SCUBE2: variants seen among roughly 807,000 people sequenced by gnomAD.
The protein encoded by SCUBE2 is signal peptide, CUB and EGF-like domain-containing protein 2.
In SCUBE2, 114 loss-of-function variants were observed where a neutral mutation model predicts 125.9. The observed-to-expected ratio is 0.91, with a 90% CI of 0.78 to 1.06. The LOEUF is 1.06. Ranked by LOEUF, SCUBE2 falls within the 50% of genes least tolerant of loss-of-function variation. The pLI, the probability that SCUBE2 is intolerant of heterozygous loss-of-function variation, is 0.00. For synonymous variants in SCUBE2, 459 were observed against 492.9 expected, an observed-to-expected ratio of 0.93 and a Z score of 0.91; for missense variants, 1,255 against 1,301.8, an observed-to-expected ratio of 0.96 and a Z score of 0.55.
At position 9,065,905 on chromosome 11, in the gene SCUBE2, C is replaced by T. The variant is rs1311266206; in HGVS notation, c.836G>A (p.Arg279Gln). ...SVVDGDKRVK[R>Q]RLLMETCAVN... is the part of the protein sequence containing the mutation. Reference sequence around the variant, plus strand: ...AAGGTGCCTACCCATGAGCAGCCGCCGTTTCACCCGTTTATCCCCATCCAC... The same window carrying T: ...AAGGTGCCTACCCATGAGCAGCCGCTGTTTCACCCGTTTATCCCCATCCAC... The change falls in exon 7 of 23, where the codon CGG becomes CAG. Residue 279 changes from arginine (R) to glutamine (Q), a missense_variant. This residue lies in a region of SCUBE2 where 378 missense variants were observed against 463.1 expected (regional missense o/e 0.82). Transcript: ENST00000649792. 5.0e-6 allele frequency: 8 copies of T among 1,613,992 alleles called. No individual in the cohort carries two copies. The highest frequency in any genetic ancestry group is 6.8e-6 in the Non-Finnish European group (8 of 1,179,968).
intron 19 of SCUBE2, among the ~76,000 whole-genome samples, chr11:9,028,672 AT>A (rs1272831559): frequency 4.6e-5 from 7 of 152,216 alleles, no homozygotes; most frequent in Non-Finnish European, 7.3e-5. Flanking sequence ...TAGAAAAAAA[AT>A]AAATAGGCTT....
rs79654102 is a variant in SCUBE2, at chr11:9,042,082, G to A, written c.2002+5274C>T. Among the ~76,000 whole-genome samples, 306 of 152,184 alleles carry A rather than the reference G, an allele frequency of 2.0e-3. 6 individuals are homozygous for A. In the East Asian group the frequency reaches 0.05, roughly 25 times the overall value. Reference sequence around the variant, plus strand: ...GGACATGAAGAGAAGAAGTTGTTTCGCTAGACTCCCAGACACCCATGGACA... The same window carrying A: ...GGACATGAAGAGAAGAAGTTGTTTCACTAGACTCCCAGACACCCATGGACA... On this transcript the variant is annotated intron_variant, in intron 16 of 22. Transcript: ENST00000649792.
intron 16 of SCUBE2, among the ~76,000 whole-genome samples, chr11:9,038,134 C>A (rs1348425929): frequency 1.3e-5 from 2 of 151,766 alleles, no homozygotes; most frequent in East Asian, 3.9e-4. Flanking sequence ...GAGACATGAC[C>A]CTGTTCTAAT....
chr11:9,044,738 C>T (rs1301932706), intron 16 of SCUBE2, among the ~76,000 whole-genome samples: 1 of 152,104 alleles, frequency 6.6e-6, no homozygotes, highest in Non-Finnish European at 1.5e-5. Context: ...CCCTCCCTGC[C>T]TCTCTCAGCT....
chr11:9,065,796 A>G, intron 7 of SCUBE2, 95 bp downstream of exon 7: 1 of 1,018,002 alleles, frequency 9.8e-7, no homozygotes, highest in Non-Finnish European at 1.5e-6. Context: ...AGCTGGTCTG[A>G]GGGCATGTGG....
chr11:9,064,301 T>A (rs1193492645), intron 7 of SCUBE2, among the ~76,000 whole-genome samples: 2 of 151,786 alleles, frequency 1.3e-5, no homozygotes, highest in East Asian at 3.9e-4. Flanking sequence ...ACCCTGTCTC[T>A]ACAAAAAATA....
At chr11:9,036,492 G>A (rs1193497151) in intron 16 of SCUBE2, among the ~76,000 whole-genome samples, 2 of 152,214 alleles carry the variant, frequency 1.3e-5, no homozygotes, top group African/African-American at 4.8e-5. Flanking sequence ...CACCTGTCAT[G>A]AAGCAGGTAA....
intron 2 of SCUBE2, among the ~76,000 whole-genome samples, chr11:9,084,116 G>C (rs1287742355): frequency 1.7e-4 from 26 of 152,110 alleles, no homozygotes; most frequent in Admixed American, 1.7e-3. Flanking sequence ...GGGAGGAGAA[G>C]CTATAAGATG....
chr11:9,031,166 A>G, intron 17 of SCUBE2: 1 of 375,226 alleles, frequency 2.7e-6, no homozygotes, highest in Non-Finnish European at 4.8e-6. Context: ...CAAGAAGTCA[A>G]GTGTCAACTG....
At chr11:9,025,523 A>G in intron 21 of SCUBE2, 179 bp downstream of exon 21, 1 of 601,700 alleles carries the variant, frequency 1.7e-6, no homozygotes, top group Non-Finnish European at 2.9e-6. Flanking sequence ...TTTTCCTCCT[A>G]TTGTCAGTGT....
chr11:9,055,945 A>C (rs763389491), intron 9 of SCUBE2, 36 bp from the exon 10 acceptor site: 2 of 1,494,570 alleles, frequency 1.3e-6, no homozygotes, highest in East Asian at 4.5e-5. Context: ...GCTGAAACCC[A>C]CTCTGAGGGA....
intron 17 of SCUBE2, 78 bp from the exon 18 acceptor site, chr11:9,031,003 T>G: frequency 7.2e-7 from 1 of 1,392,650 alleles, no homozygotes; most frequent in Non-Finnish European, 9.8e-7. Context: ...GAGACCAACT[T>G]CAGTCCAACC....
chr11:9,036,386 C>T (rs1566176467), intron 16 of SCUBE2, among the ~76,000 whole-genome samples: 4 of 152,164 alleles, frequency 2.6e-5, no homozygotes, highest in Non-Finnish European at 5.9e-5. Flanking sequence ...TTCTGTATTA[C>T]GAACTCACGT....
At chr11:9,068,006 G>C (rs1047821063) in intron 5 of SCUBE2, among the ~76,000 whole-genome samples, 7 of 152,106 alleles carry the variant, frequency 4.6e-5, no homozygotes, top group Non-Finnish European at 7.4e-5. Context: ...CTCACTGGAA[G>C]CCCTCAGGGA....
intron 9 of SCUBE2, among the ~76,000 whole-genome samples, chr11:9,057,825 C>T (rs1200285837): frequency 6.6e-6 from 1 of 152,140 alleles, no homozygotes; most frequent in Admixed American, 6.5e-5. Context: ...AGCCACCACA[C>T]CCAGCCTAAT....
chr11:9,059,625 T>C (rs558819670), intron 8 of SCUBE2, 200 bp from the exon 9 acceptor site: 25 of 664,390 alleles, frequency 3.8e-5, no homozygotes, highest in Middle Eastern at 6.3e-4. Context: ...AGACAAGTGT[T>C]TCATCGTCTT....
intron 15 of SCUBE2, 129 bp downstream of exon 15, chr11:9,047,814 G>T: frequency 8.5e-7 from 1 of 1,177,718 alleles, no homozygotes; most frequent in Non-Finnish European, 1.2e-6. Flanking sequence ...TTAGTTTCGG[G>T]GTGAAAAAAA....
intron 17 of SCUBE2, among the ~76,000 whole-genome samples, chr11:9,033,175 G>C (rs1856461875): frequency 6.6e-6 from 1 of 152,182 alleles, no homozygotes; most frequent in Non-Finnish European, 1.5e-5. Flanking sequence ...ATAATGAAAA[G>C]CTCTTCACAG....
rs757391975 is a variant in SCUBE2 at position 9,047,358 on chromosome 11, C to T, written c.2000G>A (p.Cys667Tyr). The change falls in exon 16 of 23, where the codon TGT (cysteine) becomes TAT (tyrosine). Residue 667 changes from cysteine to tyrosine, a missense_variant and splice_region_variant. Cys to Tyr is a radical substitution (Grantham distance 194). Around this residue, in one of 3 missense-constraint regions of SCUBE2, gnomAD observed 515 missense variants for 515.7 expected, o/e 1.00. Transcript: ENST00000649792. ...CAAGAATGTCCCAGGCCACTCACCA[C>T]ATTGGTTTTCTGCATGACCCTGGCC... Reference protein sequence around the residue: ...GVGQGHAENQCVSCRAGTYYD... With the variant: ...GVGQGHAENQYVSCRAGTYYD... 2.5e-6 allele frequency: 4 copies of T among 1,614,042 alleles called. No homozygotes were observed. In the African/African-American group the frequency reaches 5.3e-5, roughly 22 times the overall value.
Sources: allele counts gnomAD v4.1 joint callset (sites outside exome capture counted in the v4.1 genomes callset), GRCh38; gene constraint gnomAD v4.1.1; regional missense constraint gnomAD v4.1.1; transcripts MANE v1.5; gene names NCBI Gene and HGNC (gene_info 2026-07-23, HGNC 2026-07-21).